Variants in NEGR1 observed in about 807,000 individuals in gnomAD.
NEGR1 encodes neuronal growth regulator 1.
NEGR1 carries 10 observed loss-of-function variants against 40.9 expected under a neutral mutation model. That is an observed-to-expected ratio of 0.24 (90% CI 0.15 to 0.42). The LOEUF (loss-of-function observed/expected upper bound fraction) is 0.42. NEGR1 is among the 10% of genes least tolerant of loss of function. The pLI is 1.00. For missense variants in NEGR1, 352 were observed against 438.9 expected (o/e 0.80, Z 1.77); for synonymous variants, 185 against 166.8 (o/e 1.11, Z -0.84).
At chr1:71,630,773 G>A (rs1384519342) in intron 4 of NEGR1, among the ~76,000 whole-genome samples, 1 of 151,818 alleles carries the variant, frequency 6.6e-6, no homozygotes, top group East Asian at 1.9e-4. Flanking sequence ...ACCAAAAATG[G>A]TGAAATAATG....
chr1:71,937,645 C>T (rs754917313), intron 1 of NEGR1, among the ~76,000 whole-genome samples: 2 of 152,192 alleles, frequency 1.3e-5, no homozygotes, highest in African/African-American at 2.4e-5. Context: ...ATTCAACATC[C>T]TTTCCACTGT....
chr1:71,836,431 A>G (rs1659030475), intron 2 of NEGR1, among the ~76,000 whole-genome samples: 1 of 148,080 alleles, frequency 6.8e-6, no homozygotes, highest in African/African-American at 2.5e-5. Flanking sequence ...TCTGGCTCAA[A>G]AAAAAAACAA....
At chr1:71,919,411 TC>T (rs1661694422) in intron 2 of NEGR1, among the ~76,000 whole-genome samples, 1 of 152,124 alleles carries the variant, frequency 6.6e-6, no homozygotes, top group Admixed American at 6.5e-5. Context: ...TACAACAACA[TC>T]TTTTGTGGAT....
At chr1:71,907,015 T>C (rs1196632303) in intron 2 of NEGR1, among the ~76,000 whole-genome samples, 1 of 152,190 alleles carries the variant, frequency 6.6e-6, no homozygotes, top group East Asian at 1.9e-4. Context: ...CTAGGGAAAA[T>C]GTTACGAATT....
chr1:71,939,226 T>C (rs1476543984), intron 1 of NEGR1, among the ~76,000 whole-genome samples: 3 of 152,170 alleles, frequency 2.0e-5, no homozygotes, highest in African/African-American at 7.2e-5. Context: ...TAGGTTTTCA[T>C]TAAATGACCT....
chr1:71,452,266 A>G (rs894219490), intron 6 of NEGR1, among the ~76,000 whole-genome samples: 2 of 152,224 alleles, frequency 1.3e-5, no homozygotes, highest in African/African-American at 2.4e-5. Flanking sequence ...GTCATCCTCA[A>G]TGATATCACT....
chr1:71,862,077 T>A (rs2101824052), intron 2 of NEGR1, among the ~76,000 whole-genome samples: 1 of 152,252 alleles, frequency 6.6e-6, no homozygotes, highest in East Asian at 1.9e-4. Context: ...TCCTAAATTA[T>A]ATGTAATCCA....
At chr1:71,902,538 A>C (rs1306688932) in intron 2 of NEGR1, among the ~76,000 whole-genome samples, 1 of 152,184 alleles carries the variant, frequency 6.6e-6, no homozygotes, top group Non-Finnish European at 1.5e-5. Flanking sequence ...CTGCTTGGTC[A>C]GATATTGTCA....
At chr1:71,976,605 T>C (rs1051961654) in intron 1 of NEGR1, among the ~76,000 whole-genome samples, 2 of 152,202 alleles carry the variant, frequency 1.3e-5, no homozygotes, top group East Asian at 3.9e-4. Flanking sequence ...CTTTTTGTAT[T>C]TGGGATTTGG....
At chr1:71,602,731 T>C (rs1277157006) in intron 5 of NEGR1, among the ~76,000 whole-genome samples, 1 of 152,204 alleles carries the variant, frequency 6.6e-6, no homozygotes, top group Non-Finnish European at 1.5e-5. Flanking sequence ...TCTTACTTAG[T>C]ACTTATTTCA....
chr1:71,868,466 G>T (rs1487632157), intron 2 of NEGR1, among the ~76,000 whole-genome samples: 13 of 91,242 alleles, frequency 1.4e-4, no homozygotes, highest in African/African-American at 4.4e-4. Flanking sequence ...TAGATAGATA[G>T]ACAGAATACA....
chr1:71,915,515 C>G (rs940559375), intron 2 of NEGR1, among the ~76,000 whole-genome samples: 1 of 152,042 alleles, frequency 6.6e-6, no homozygotes, highest in Admixed American at 6.6e-5. Flanking sequence ...TAGTGTCATT[C>G]ATTGTACTGA....
At position 71,441,146 on chromosome 1, in the gene NEGR1, C is replaced by T. The variant is rs1331944990; in HGVS notation, c.941-33576G>A. ...AAATGAGGCCAAAATGCACTTCTTC[C>T]AGGCATAATGTGTGGCCATGTGGTG... is the stretch of plus-strand genomic sequence containing the variant. On this transcript the variant is annotated intron_variant, in intron 6 of 6. Transcript: ENST00000357731. Among the ~76,000 whole-genome samples, 10 of 152,314 alleles carry T rather than the reference C, an allele frequency of 6.6e-5. No homozygotes were observed. The South Asian group carries it at 1.5e-3, about 22-fold the overall frequency.
intron 3 of NEGR1, among the ~76,000 whole-genome samples, chr1:71,726,168 A>AT (rs924916185): frequency 8.6e-5 from 13 of 151,356 alleles, no homozygotes; most frequent in East Asian, 1.9e-4. Context: ...GCTGGAATTT[A>AT]TTTTTTTTTC....
rs562999161 is a variant in NEGR1 at position 72,042,831 on chromosome 1, T to C, written c.177-107520A>G. 2.2e-4 allele frequency among the ~76,000 whole-genome samples: 33 copies of C among 152,134 alleles called. No individual in the cohort carries two copies. The South Asian group carries it at 6.6e-3, about 31-fold the overall frequency. On this transcript the variant is annotated intron_variant, in intron 1 of 6. Transcript: ENST00000357731. ...TATTACCAGGATGCTTTTATTACCT[T>C]AGACCATTTAGAAAATGTAAAGGAT...
chr1:72,152,848 CA>C (rs1217510669), intron 1 of NEGR1, among the ~76,000 whole-genome samples: 1 of 151,804 alleles, frequency 6.6e-6, no homozygotes, highest in Non-Finnish European at 1.5e-5. Flanking sequence ...TGGATGCAGT[CA>C]GGGGTCAAAT....
chr1:72,162,289 T>A (rs111338969), intron 1 of NEGR1, among the ~76,000 whole-genome samples: 58 of 74,716 alleles, frequency 7.8e-4, no homozygotes, highest in African/African-American at 2.1e-3. Flanking sequence ...CTGCCTCTAC[T>A]AAAAAAAAAT....
At chr1:71,819,039 A>G (rs1268105290) in intron 2 of NEGR1, among the ~76,000 whole-genome samples, 6 of 152,016 alleles carry the variant, frequency 3.9e-5, no homozygotes, top group Non-Finnish European at 8.8e-5. Flanking sequence ...TATATTTTAT[A>G]CAAAGAAGTC....
intron 1 of NEGR1, among the ~76,000 whole-genome samples, chr1:72,213,440 A>T (rs1208835148): frequency 1.3e-5 from 2 of 151,958 alleles, no homozygotes; most frequent in Admixed American, 1.3e-4. Context: ...TTCAATAAAA[A>T]GTTTCATATT....
Sources: allele counts gnomAD v4.1 joint callset (sites outside exome capture counted in the v4.1 genomes callset), GRCh38; gene constraint gnomAD v4.1.1; transcripts MANE v1.5; gene names NCBI Gene and HGNC (gene_info 2026-07-23, HGNC 2026-07-21).